ACTR2: variants seen among roughly 807,000 people sequenced by gnomAD.
ACTR2 encodes actin related protein 2.
In ACTR2, 5 loss-of-function variants were observed where a neutral mutation model predicts 50.2. That is an observed-to-expected ratio of 0.10 (90% CI 0.05 to 0.21). ACTR2 has a LOEUF of 0.21. Among genes scored for constraint, ACTR2 ranks in the 10% least tolerant of loss-of-function variants. ACTR2 has a pLI of 1.00. For missense variants in ACTR2, 180 were observed against 480.6 expected (o/e 0.37, Z 5.85); for synonymous variants, 140 against 162.9 (o/e 0.86, Z 1.07).
At chr2:65,243,351 C>T (rs774567737) in intron 2 of ACTR2, among the ~76,000 whole-genome samples, 1 of 151,834 alleles carries the variant, frequency 6.6e-6, no homozygotes, top group Non-Finnish European at 1.5e-5. Flanking sequence ...AGTTTTTGAC[C>T]GAGTGAGGTG....
At chr2:65,245,142 C>T (rs1671912576) in intron 2 of ACTR2, among the ~76,000 whole-genome samples, 1 of 151,356 alleles carries the variant, frequency 6.6e-6, no homozygotes, top group African/African-American at 2.4e-5. Flanking sequence ...TTGTTAGAGT[C>T]CTCACCTTGG....
At chr2:65,234,791 A>G (rs888760519) in intron 1 of ACTR2, among the ~76,000 whole-genome samples, 1 of 152,206 alleles carries the variant, frequency 6.6e-6, no homozygotes, top group Non-Finnish European at 1.5e-5. Flanking sequence ...TCAGCATGCC[A>G]AAAATGAACC....
At chr2:65,234,327 G>A (rs963214481) in intron 1 of ACTR2, among the ~76,000 whole-genome samples, 3 of 152,190 alleles carry the variant, frequency 2.0e-5, no homozygotes, top group African/African-American at 7.2e-5. Context: ...GAAAACTGGT[G>A]CTGAGTTCTA....
At chr2:65,239,726 G>A in intron 1 of ACTR2, 126 bp from the exon 2 acceptor site, 1 of 665,100 alleles carries the variant, frequency 1.5e-6, no homozygotes, top group Non-Finnish European at 2.7e-6. Context: ...GGCTACTTCG[G>A]GTGGACTGAA....
chr2:65,238,377 G>A (rs983483989), intron 1 of ACTR2, among the ~76,000 whole-genome samples: 4 of 151,916 alleles, frequency 2.6e-5, no homozygotes, highest in African/African-American at 9.7e-5. Context: ...AATGTAAATA[G>A]GGCCAGGCGC....
intron 1 of ACTR2, among the ~76,000 whole-genome samples, chr2:65,234,919 CTG>C (rs1187914413): frequency 1.1e-4 from 16 of 152,130 alleles, no homozygotes. Context: ...TTGACTATAT[CTG>C]TTTATTACTT....
chr2:65,239,067 C>T (rs1272820249), intron 1 of ACTR2, among the ~76,000 whole-genome samples: 1 of 152,232 alleles, frequency 6.6e-6, no homozygotes, highest in Non-Finnish European at 1.5e-5. Context: ...TGGAAAATGA[C>T]ATTCTCTAAG....
rs377132282 is a variant in ACTR2, at chr2:65,262,754, T to C, written c.881+1362T>C. ...GGAGGTTTGCTTAAGCCTAGGAGTT[T>C]AAGACCAGCCTGGGCAACATATGGA... On this transcript the variant is annotated intron_variant, in intron 7 of 8. Transcript: ENST00000260641. Among the ~76,000 whole-genome samples the C allele has an allele frequency of 5.3e-5, 8 of 152,110 alleles. No individual in the cohort carries two copies. In the East Asian group the frequency reaches 5.8e-4, roughly 11 times the overall value.
chr2:65,237,065 G>T (rs1438386763), intron 1 of ACTR2, among the ~76,000 whole-genome samples: 1 of 152,078 alleles, frequency 6.6e-6, no homozygotes, highest in African/African-American at 2.4e-5. Flanking sequence ...ATCATTTACT[G>T]TGTACCTATT....
chr2:65,242,151 G>A, intron 2 of ACTR2: 2 of 914,208 alleles, frequency 2.2e-6, no homozygotes, highest in Non-Finnish European at 3.5e-6. Context: ...TTAGTATTGG[G>A]GAGGGGGGGT....
rs1389940204 is a variant in ACTR2 at position 65,239,916 on chromosome 2, G to A, written c.113G>A (p.Arg38Lys). 6.2e-7 allele frequency: 1 copy of A among 1,613,200 alleles called. No individual in the cohort carries two copies. The highest frequency in any genetic ancestry group is 1.7e-5 in the Admixed American group (1 of 59,998). ...CACATCTTCCCAGCTTTGGTTGGAA[G>A]ACCTATTATCAGATCAACCACCAAA... ...PEHIFPALVG[R>K]PIIRSTTKVG... Residue 38 changes from arginine to lysine, a missense_variant, in exon 2 of 9, where the codon AGA becomes AAA. Coordinates refer to ENST00000260641, the MANE Select transcript of ACTR2 (RefSeq NM_005722.4).
chr2:65,241,464 A>G (rs939283618), intron 2 of ACTR2, among the ~76,000 whole-genome samples: 3 of 152,160 alleles, frequency 2.0e-5, no homozygotes, highest in Non-Finnish European at 4.4e-5. Context: ...TTGCCAAGGA[A>G]TTCCCTAGCA....
At chr2:65,242,381 C>T (rs1671855354) in intron 2 of ACTR2, among the ~76,000 whole-genome samples, 1 of 151,854 alleles carries the variant, frequency 6.6e-6, no homozygotes, top group African/African-American at 2.4e-5. Context: ...AACCAGATGG[C>T]TTTATATAGG....
intron 3 of ACTR2, among the ~76,000 whole-genome samples, chr2:65,250,540 G>A (rs1178391092): frequency 2.0e-5 from 3 of 151,134 alleles, no homozygotes; most frequent in Non-Finnish European, 4.4e-5. Flanking sequence ...AGGCATGGTG[G>A]TGCATGCCTG....
chr2:65,240,274 G>T (rs1321965256), intron 2 of ACTR2, among the ~76,000 whole-genome samples: 1 of 152,166 alleles, frequency 6.6e-6, no homozygotes, highest in Non-Finnish European at 1.5e-5. Context: ...ATTTTTAAAA[G>T]AAATCGGCCT....
rs1417964413 is a variant in ACTR2 at position 65,228,209 on chromosome 2, A to G, written c.48+252A>G. The G allele has an allele frequency of 6.7e-5, 26 of 388,162 alleles. No individual in the cohort carries two copies. In the Admixed American group the frequency reaches 1.1e-3, roughly 17 times the overall value. 24.0% of individuals were successfully genotyped at this position (388,162 alleles called of 1,614,324 possible). ...GCGGCGGGCGAGACCGGCACTGGAC[A>G]TGGAGCCTACTGACCGCCCGGCAGG... On this transcript the variant is annotated intron_variant, in intron 1 of 8. Coordinates refer to ENST00000260641, the MANE Select transcript of ACTR2 (RefSeq NM_005722.4).
At chr2:65,247,366 A>G (rs1671957824) in intron 3 of ACTR2, among the ~76,000 whole-genome samples, 1 of 152,202 alleles carries the variant, frequency 6.6e-6, no homozygotes, top group African/African-American at 2.4e-5. Flanking sequence ...AGGCGGGCAG[A>G]TCACAAGGTC....
intron 7 of ACTR2, among the ~76,000 whole-genome samples, chr2:65,263,971 C>T (rs1672326161): frequency 6.6e-6 from 1 of 152,148 alleles, no homozygotes; most frequent in South Asian, 2.1e-4. Context: ...AGGAGAATGG[C>T]GTGAACCTGG....
chr2:65,242,153 A>T (rs1213096754), intron 2 of ACTR2: 7 of 890,896 alleles, frequency 7.9e-6, no homozygotes, highest in Non-Finnish European at 9.1e-6. Flanking sequence ...AGTATTGGGG[A>T]GGGGGGGTTA....
Sources: gnomAD v4.1 joint callset for allele counts (sites outside exome capture counted in the v4.1 genomes callset) on GRCh38, gnomAD v4.1.1 for gene constraint, MANE v1.5 for transcripts, NCBI Gene and HGNC (gene_info 2026-07-23, HGNC 2026-07-21) for gene names.